Variants in ACYP2 observed in about 807,000 individuals in gnomAD.
ACYP2 encodes the protein acylphosphatase 2, also known as acylphosphatase-2.
ACYP2 carries 12 observed loss-of-function variants against 11.2 expected under a neutral mutation model. The ratio of observed to expected loss-of-function variants is 1.08; its 90% confidence interval spans 0.69 to 1.74. The LOEUF (loss-of-function observed/expected upper bound fraction) is 1.74. Ranked by LOEUF, ACYP2 falls within the 40% of genes most tolerant of loss-of-function variation. The probability of loss-of-function intolerance (pLI) is 0.00; values close to 1 mark genes in which losing one functional copy is unlikely to be tolerated. For missense variants in ACYP2, 134 were observed against 101.9 expected (o/e 1.31, Z -1.35); for synonymous variants, 43 against 32.2 (o/e 1.33, Z -1.13).
chr2:54,028,839 A>T (rs1033246356), intron 2 of ACYP2, among the ~76,000 whole-genome samples: 3 of 152,142 alleles, frequency 2.0e-5, no homozygotes, highest in Non-Finnish European at 4.4e-5. Flanking sequence ...TTCCCTGCAC[A>T]CGTTAATAAA....
At chr2:54,200,060 A>G (rs1458080294) in intron 6 of ACYP2, among the ~76,000 whole-genome samples, 3 of 152,240 alleles carry the variant, frequency 2.0e-5, no homozygotes, top group African/African-American at 7.2e-5. Context: ...TTGTTTTTAT[A>G]GAAAGGATAT....
Position 54,165,117 on chromosome 2 carries a change from G to A in ACYP2, c.404+26369G>A, listed in dbSNP as rs1475156601. On this transcript the variant is annotated intron_variant, in intron 6 of 6. Transcript: ENST00000607452. ...TTTTTTATCCAGTCTCTTATTGATG[G>A]GCATTTGGGTTGGTTCCATGTCTTT... Among the ~76,000 whole-genome samples, 9 of 152,162 alleles carry A rather than the reference G, an allele frequency of 5.9e-5. No homozygotes were observed. In the East Asian group the frequency reaches 1.5e-3, roughly 26 times the overall value.
intron 4 of ACYP2, among the ~76,000 whole-genome samples, chr2:54,059,546 T>G (rs1676356744): frequency 6.6e-6 from 1 of 152,152 alleles, no homozygotes; most frequent in African/African-American, 2.4e-5. Context: ...TTCAACCAAA[T>G]GTTTCGTTAG....
At chr2:53,996,489 C>A (rs897145290) in intron 2 of ACYP2, among the ~76,000 whole-genome samples, 1 of 152,046 alleles carries the variant, frequency 6.6e-6, no homozygotes, top group Non-Finnish European at 1.5e-5. Context: ...AAAGTCTCAG[C>A]CTACTTAATG....
intron 6 of ACYP2, among the ~76,000 whole-genome samples, chr2:54,228,926 C>G (rs1686117491): frequency 6.6e-6 from 1 of 152,074 alleles, no homozygotes; most frequent in African/African-American, 2.4e-5. Flanking sequence ...AGAGCAAAAT[C>G]AGAGATAAAA....
intron 4 of ACYP2, among the ~76,000 whole-genome samples, chr2:54,063,648 G>A (rs1676584265): frequency 6.6e-6 from 1 of 152,230 alleles, no homozygotes; most frequent in African/African-American, 2.4e-5. Flanking sequence ...GGAACCAACT[G>A]TCCACTTATT....
At chr2:54,267,609 A>G (rs1688096000) in intron 6 of ACYP2, among the ~76,000 whole-genome samples, 1 of 152,226 alleles carries the variant, frequency 6.6e-6, no homozygotes, top group African/African-American at 2.4e-5. Flanking sequence ...ATCATTCTGG[A>G]AAATGAGACA....
intron 6 of ACYP2, among the ~76,000 whole-genome samples, chr2:54,156,101 A>G (rs184797609): frequency 6.6e-6 from 1 of 152,266 alleles, no homozygotes; most frequent in African/African-American, 2.4e-5. Flanking sequence ...TCTTGAGAAG[A>G]ATCTGTATTC....
intron 2 of ACYP2, among the ~76,000 whole-genome samples, chr2:54,018,566 A>G (rs1378153945): frequency 6.6e-6 from 1 of 151,998 alleles, no homozygotes; most frequent in Non-Finnish European, 1.5e-5. Flanking sequence ...TAATCCCAGC[A>G]CTTTGGGAGG....
chr2:54,256,094 G>A lies in ACYP2; in HGVS notation c.405-48594G>A, dbSNP rs779978634. The A allele has an allele frequency of 1.2e-5, 19 of 1,614,018 alleles. 1 individual carries two copies. In the South Asian group the frequency reaches 2.0e-4, roughly 17 times the overall value. ...TCTCGGGACCTCTGGCCCTGGTGCG[G>A]GTCTTCCAGAGCATAGTCGAGAGTA... On this transcript the variant is annotated intron_variant, in intron 6 of 6. Coordinates refer to ENST00000607452, the MANE Select transcript of ACYP2 (RefSeq NM_001320586.2).
intron 2 of ACYP2, among the ~76,000 whole-genome samples, chr2:54,015,645 TCACACACACACACACA>T (rs4027206): frequency 7.7e-6 from 1 of 130,420 alleles, no homozygotes; most frequent in Non-Finnish European, 1.6e-5. Context: ...TGAGACCCCG[TCACACACACACACACA>T]CACACACACA....
chr2:54,183,825 T>G (rs1400158058), intron 6 of ACYP2, among the ~76,000 whole-genome samples: 5 of 152,216 alleles, frequency 3.3e-5, no homozygotes, highest in African/African-American at 1.2e-4. Context: ...TAATTTAATC[T>G]TATATTTTCA....
intron 6 of ACYP2, among the ~76,000 whole-genome samples, chr2:54,177,973 C>T (rs188988059): frequency 4.3e-4 from 64 of 148,884 alleles, no homozygotes; most frequent in Admixed American, 1.3e-3. Flanking sequence ...GGCGCCATCT[C>T]GGCTCACTGC....
At chr2:54,275,812 T>G (rs1035124339) in intron 6 of ACYP2, among the ~76,000 whole-genome samples, 1 of 152,216 alleles carries the variant, frequency 6.6e-6, no homozygotes, top group African/African-American at 2.4e-5. Flanking sequence ...CCTGCTTGAT[T>G]TGCCTAATGG....
chr2:54,095,704 A>C (rs1241432862), intron 4 of ACYP2, among the ~76,000 whole-genome samples: 1 of 111,390 alleles, frequency 9.0e-6, no homozygotes, highest in Non-Finnish European at 1.9e-5. Context: ...CTGGCCGGGC[A>C]GAGGGGCTCC....
chr2:54,184,971 G>A (rs572610084), intron 6 of ACYP2, among the ~76,000 whole-genome samples: 59 of 151,720 alleles, frequency 3.9e-4, no homozygotes, highest in African/African-American at 1.2e-3. Flanking sequence ...TCAGCCTCCC[G>A]AGTAGCTGGG....
chr2:54,282,475 G>A lies in ACYP2; in HGVS notation c.405-22213G>A, dbSNP rs76822214. On this transcript the variant is annotated intron_variant, in intron 6 of 6. Coordinates refer to ENST00000607452, the MANE Select transcript of ACYP2 (RefSeq NM_001320586.2). ...ATGTCAAGATCCTAAAACTATTTCT[G>A]ACCTGGAACAAAGTTCTGCCTGATT... Among the ~76,000 whole-genome samples, 474 of 152,226 alleles carry A rather than the reference G, an allele frequency of 3.1e-3. 2 individuals are homozygous for A. The highest frequency in any genetic ancestry group is 0.011 in the African/African-American group (456 of 41,534).
intron 2 of ACYP2, among the ~76,000 whole-genome samples, chr2:54,026,508 T>A (rs1674294996): frequency 6.6e-6 from 1 of 152,176 alleles, no homozygotes. Flanking sequence ...GGAGATTCCT[T>A]AAAGAACTAA....
intron 4 of ACYP2, among the ~76,000 whole-genome samples, chr2:54,116,100 C>G (rs999961668): frequency 6.6e-5 from 10 of 152,102 alleles, no homozygotes; most frequent in Non-Finnish European, 1.3e-4. Flanking sequence ...AACTAGTGGT[C>G]TCGTTGCTTG....
Sources: gnomAD v4.1 joint callset for allele counts (sites outside exome capture counted in the v4.1 genomes callset) on GRCh38, gnomAD v4.1.1 for gene constraint, MANE v1.5 for transcripts, NCBI Gene and HGNC (gene_info 2026-07-23, HGNC 2026-07-21) for gene names.